Variants in MALRD1 observed in about 807,000 individuals in gnomAD.
MALRD1 encodes the protein MAM and LDL-receptor class A domain-containing protein 1.
In MALRD1, 247 loss-of-function variants were observed where a neutral mutation model predicts 242.1. The observed-to-expected ratio is 1.02, with a 90% CI of 0.92 to 1.13. The LOEUF is 1.13. MALRD1 is among the 50% of genes most tolerant of loss of function. MALRD1 has a pLI of 0.00. For synonymous variants in MALRD1, 995 were observed against 866.6 expected (o/e 1.15, Z -2.60); for missense variants, 2,989 against 2,533.1 (o/e 1.18, Z -3.86).
intron 2 of MALRD1, among the ~76,000 whole-genome samples, chr10:19,082,810 G>A (rs928615170): frequency 6.6e-6 from 1 of 151,936 alleles, no homozygotes; most frequent in Non-Finnish European, 1.5e-5. Context: ...TTTACTGAGA[G>A]TCTCTTAGAT....
upstream of MALRD1, among the ~76,000 whole-genome samples, chr10:19,047,653 G>A (rs115559735): frequency 7.7e-3 from 1,170 of 152,148 alleles, 18 homozygotes; most frequent in African/African-American, 0.027. Context: ...ATGAAACAGG[G>A]CTGAAGCACA....
chr10:19,225,659 C>G (rs757922053), intron 18 of MALRD1, among the ~76,000 whole-genome samples: 1 of 152,128 alleles, frequency 6.6e-6, no homozygotes, highest in African/African-American at 2.4e-5. Context: ...CTACACCCAC[C>G]GTTTCCCTGA....
chr10:19,600,639 A>C (rs1178629573), intron 34 of MALRD1, among the ~76,000 whole-genome samples: 5 of 152,186 alleles, frequency 3.3e-5, no homozygotes, highest in Non-Finnish European at 5.9e-5. Flanking sequence ...TTTTAGTAGA[A>C]AATGGGTATA....
chr10:19,191,459 T>C lies in MALRD1; in HGVS notation c.1952-12269T>C, dbSNP rs1835971248. ...TTCTTCAAAAAAATTAAAAATATAA[T>C]TACCATATGCTTCGGCAATTCCAGT... On this transcript the variant is annotated intron_variant, in intron 14 of 39. Coordinates refer to ENST00000454679, the MANE Select transcript of MALRD1 (RefSeq NM_001142308.3). Among the ~76,000 whole-genome samples the C allele has an allele frequency of 2.0e-5, 3 of 152,254 alleles. No homozygotes were observed. The South Asian group carries it at 6.2e-4, about 32-fold the overall frequency.
intron 33 of MALRD1, among the ~76,000 whole-genome samples, chr10:19,574,721 C>T (rs1414179516): frequency 1.3e-5 from 2 of 152,026 alleles, no homozygotes; most frequent in African/African-American, 2.4e-5. Context: ...TGCTTAAATC[C>T]CTTCTAACTC....
chr10:19,588,888 C>A lies in MALRD1; in HGVS notation c.5681-6306C>A, dbSNP rs147490662. Among the ~76,000 whole-genome samples, 355 of 152,316 alleles carry A rather than the reference C, an allele frequency of 2.3e-3. 2 individuals carry two copies. Among genetic ancestry groups the A allele is most frequent in the African/African-American group, 8.4e-3 (349 of 41,580 alleles). On this transcript the variant is annotated intron_variant, in intron 33 of 39. Coordinates refer to ENST00000454679, the MANE Select transcript of MALRD1 (RefSeq NM_001142308.3). ...GAACTGTTGACCTCAAGTCATCCGA[C>A]CGCCTTGGCCTTCCAAAGTGCCAGG... is the stretch of plus-strand genomic sequence containing the variant.
At chr10:19,553,815 G>A (rs1313580281) in intron 32 of MALRD1, among the ~76,000 whole-genome samples, 1 of 152,164 alleles carries the variant, frequency 6.6e-6, no homozygotes, top group African/African-American at 2.4e-5. Context: ...TTCCATTACT[G>A]ATGGTGAGTA....
intron 19 of MALRD1, among the ~76,000 whole-genome samples, chr10:19,264,828 A>G (rs1485032086): frequency 2.6e-5 from 4 of 152,164 alleles, no homozygotes; most frequent in African/African-American, 9.6e-5. Flanking sequence ...AAGGATTGGT[A>G]TGAATTCTTT....
chr10:19,244,286 T>G (rs11591486), intron 18 of MALRD1, among the ~76,000 whole-genome samples: 33,000 of 152,070 alleles, frequency 0.22, 3,736 homozygotes, highest in Admixed American at 0.34. Context: ...GTTTAGAAGT[T>G]TAGTTGCTGG....
chr10:19,577,816 A>G (rs1589259158), intron 33 of MALRD1, among the ~76,000 whole-genome samples: 1 of 152,272 alleles, frequency 6.6e-6, no homozygotes, highest in East Asian at 1.9e-4. Context: ...TATGGAAACA[A>G]TAATCAATTC....
At chr10:19,485,071 G>T (rs1191117351) in intron 29 of MALRD1, among the ~76,000 whole-genome samples, 1 of 152,160 alleles carries the variant, frequency 6.6e-6, no homozygotes, top group Non-Finnish European at 1.5e-5. Flanking sequence ...AGTAACTCAG[G>T]AATGGAAAAC....
chr10:19,273,265 A>C lies in MALRD1; in HGVS notation c.3080-6782A>C, dbSNP rs140934483. 8.6e-3 allele frequency among the ~76,000 whole-genome samples: 1,307 copies of C among 152,338 alleles called. 13 individuals carry two copies. The highest frequency in any genetic ancestry group is 0.03 in the African/African-American group (1,239 of 41,582). ...AATGTGAAATGCAAGGATGTGGAGC[A>C]ACAGGAATTCACGTTCATTGCTGGT... On this transcript the variant is annotated intron_variant, in intron 19 of 39. Coordinates refer to ENST00000454679, the MANE Select transcript of MALRD1 (RefSeq NM_001142308.3).
At chr10:19,148,254 G>A (rs536277427) in intron 11 of MALRD1, among the ~76,000 whole-genome samples, 1 of 152,108 alleles carries the variant, frequency 6.6e-6, no homozygotes, top group South Asian at 2.1e-4. Context: ...ACGGTGGTCT[G>A]ATGTGAGCAT....
At chr10:19,381,673 C>CAAAAA (rs542568281) in intron 26 of MALRD1, among the ~76,000 whole-genome samples, 1 of 118,578 alleles carries the variant, frequency 8.4e-6, no homozygotes, top group Non-Finnish European at 1.8e-5. Flanking sequence ...ACTAAAAATA[C>CAAAAA]AAAAAAAAAA....
intron 26 of MALRD1, among the ~76,000 whole-genome samples, chr10:19,361,038 G>A (rs1844872564): frequency 6.6e-6 from 1 of 152,020 alleles, no homozygotes; most frequent in Admixed American, 6.6e-5. Flanking sequence ...ACCCAAGACT[G>A]GAGGTGTGGT....
At chr10:19,526,099 G>A (rs1027872559) in intron 31 of MALRD1, among the ~76,000 whole-genome samples, 1 of 149,890 alleles carries the variant, frequency 6.7e-6, no homozygotes, top group South Asian at 2.1e-4. Context: ...TGAACTTTGT[G>A]CAAGAGGCTA....
chr10:19,609,796 C>T (rs1838806751), intron 35 of MALRD1, among the ~76,000 whole-genome samples: 1 of 151,866 alleles, frequency 6.6e-6, no homozygotes, highest in Non-Finnish European at 1.5e-5. Flanking sequence ...TAGTCATTTG[C>T]AGTAGTAGAG....
chr10:19,176,366 C>CTTTTT lies in MALRD1; in HGVS notation c.1951+1053_1951+1057dup, dbSNP rs11443184. Among the ~76,000 whole-genome samples the CTTTTT allele has an allele frequency of 7.9e-4, 69 of 87,298 alleles. 14 individuals carry two copies. The highest frequency in any genetic ancestry group is 1.2e-3 in the Non-Finnish European group (53 of 43,398). The allele number at this position is 87,298 out of a possible 152,430, so 57.3% of individuals were successfully genotyped here. A position where few individuals can be genotyped will look rare whatever the true frequency, so the allele number is the denominator to read the frequency against. On this transcript the variant is annotated intron_variant, in intron 14 of 39. Transcript: ENST00000454679. ...TCGAGAGAGTGTATATTTCTGGGTG[C>CTTTTT]TTTTTTTTTTTTTTTTTTTGAGACG...
intron 36 of MALRD1, among the ~76,000 whole-genome samples, chr10:19,644,143 T>C (rs1439479550): frequency 2.0e-5 from 3 of 152,184 alleles, no homozygotes; most frequent in African/African-American, 7.2e-5. Flanking sequence ...GGACTCTCCT[T>C]AAAAACCCAA....
Sources: allele counts gnomAD v4.1 joint callset (sites outside exome capture counted in the v4.1 genomes callset), GRCh38; gene constraint gnomAD v4.1.1; transcripts MANE v1.5; gene names NCBI Gene and HGNC (gene_info 2026-07-23, HGNC 2026-07-21).